PRKAR1A: variants seen among roughly 807,000 people sequenced by gnomAD.
PRKAR1A encodes cAMP-dependent protein kinase type I-alpha regulatory subunit.
A neutral mutation model predicts 52.0 loss-of-function variants in PRKAR1A; 3 were observed. The ratio of observed to expected loss-of-function variants is 0.06; its 90% CI spans 0.03 to 0.15. The LOEUF is 0.15. Ranked by LOEUF, PRKAR1A falls within the 10% of genes least tolerant of loss-of-function variation. The probability of loss-of-function intolerance (pLI) is 1.00; values close to 1 mark genes in which losing one functional copy is unlikely to be tolerated. For synonymous variants in PRKAR1A, 188 were observed against 168.4 expected (o/e 1.12, Z -0.90); for missense variants, 240 against 477.4 (o/e 0.50, Z 4.63).
chr17:68,439,853 C>A, the PRKAR1A span, among the ~76,000 whole-genome samples: 3 of 152,154 alleles, frequency 2.0e-5, no homozygotes, highest in African/African-American at 7.2e-5. Context: ...AGATGCCAAG[C>A]CTTCGTTTCT....
At chr17:68,444,331 A>C in the PRKAR1A span, among the ~76,000 whole-genome samples, 2 of 152,240 alleles carry the variant, frequency 1.3e-5, no homozygotes, top group Non-Finnish European at 1.5e-5. Context: ...GCCTGACATA[A>C]TTTGAATCTG....
the PRKAR1A span, among the ~76,000 whole-genome samples, chr17:68,470,504 T>G: frequency 1.3e-5 from 2 of 152,378 alleles, no homozygotes; most frequent in African/African-American, 4.8e-5. Flanking sequence ...GGAATATTTT[T>G]CTTTGTCTTT....
At chr17:68,519,672 A>G (rs1289245910) in intron 2 of PRKAR1A, among the ~76,000 whole-genome samples, 3 of 151,886 alleles carry the variant, frequency 2.0e-5, no homozygotes, top group Admixed American at 2.0e-4. Context: ...CTCCATAAGA[A>G]ATGTACCAAA....
At chr17:68,491,023 C>T in the PRKAR1A span, among the ~76,000 whole-genome samples, 1 of 152,080 alleles carries the variant, frequency 6.6e-6, no homozygotes, top group African/African-American at 2.4e-5. Context: ...TGGCCTTGGA[C>T]CAGCCTGTAT....
chr17:68,441,649 A>G, the PRKAR1A span, among the ~76,000 whole-genome samples: 1,003 of 152,322 alleles, frequency 6.6e-3, 13 homozygotes, highest in African/African-American at 0.023. Context: ...CCTATGGGAC[A>G]GAGAGGGCTG....
the PRKAR1A span, among the ~76,000 whole-genome samples, chr17:68,439,855 T>G: frequency 6.6e-6 from 1 of 152,176 alleles, no homozygotes; most frequent in South Asian, 2.1e-4. Flanking sequence ...ATGCCAAGCC[T>G]TCGTTTCTTA....
the PRKAR1A span, among the ~76,000 whole-genome samples, chr17:68,482,398 C>T: frequency 6.6e-6 from 1 of 152,138 alleles, no homozygotes; most frequent in Non-Finnish European, 1.5e-5. Flanking sequence ...GGAGGTAAAA[C>T]TGGAATTCAA....
the PRKAR1A span, among the ~76,000 whole-genome samples, chr17:68,484,387 T>C: frequency 1.3e-5 from 2 of 152,146 alleles, no homozygotes; most frequent in Non-Finnish European, 2.9e-5. Flanking sequence ...TGTTAGTAGA[T>C]AGAAATTCAA....
the PRKAR1A span, among the ~76,000 whole-genome samples, chr17:68,470,039 G>A: frequency 2.0e-5 from 3 of 151,344 alleles, no homozygotes; most frequent in Non-Finnish European, 2.9e-5. Flanking sequence ...ACCCCTCTGT[G>A]CACTTGTGAG....
intron 11 of PRKAR1A, among the ~76,000 whole-genome samples, chr17:68,543,210 A>G (rs569931908): frequency 1.3e-5 from 2 of 152,250 alleles, no homozygotes; most frequent in Non-Finnish European, 1.5e-5. Context: ...GGAAGTGCCC[A>G]TGACGCTACA....
the PRKAR1A span, among the ~76,000 whole-genome samples, chr17:68,471,261 A>G: frequency 6.6e-6 from 1 of 152,250 alleles, no homozygotes; most frequent in Admixed American, 6.5e-5. Context: ...TGGTACTGAA[A>G]TAGAACTATC....
chr17:68,519,096 A>G (rs1381215447), intron 2 of PRKAR1A, among the ~76,000 whole-genome samples: 8 of 151,754 alleles, frequency 5.3e-5, no homozygotes, highest in Admixed American at 1.3e-4. Context: ...ACTTTCCCAC[A>G]TTTTCCTGTC....
At chr17:68,426,253 G>GGGA in the PRKAR1A span, 2 of 841,014 alleles carry the variant, frequency 2.4e-6, no homozygotes, top group South Asian at 1.3e-5. Context: ...GGGGAGCGGG[G>GGGA]GCTCAAATAA....
chr17:68,547,377 T>C (rs886560568), intron 11 of PRKAR1A, among the ~76,000 whole-genome samples: 1 of 152,242 alleles, frequency 6.6e-6, no homozygotes, highest in Non-Finnish European at 1.5e-5. Flanking sequence ...AAGTCAGGCA[T>C]TGACTTTTCT....
At chr17:68,416,712 C>A in the PRKAR1A span, among the ~76,000 whole-genome samples, 1 of 152,134 alleles carries the variant, frequency 6.6e-6, no homozygotes, top group African/African-American at 2.4e-5. Context: ...AGTCAAAGAC[C>A]TTGTCTTCGA....
the PRKAR1A span, among the ~76,000 whole-genome samples, chr17:68,466,225 G>A: frequency 1.2e-4 from 18 of 152,212 alleles, no homozygotes; most frequent in African/African-American, 3.9e-4. Flanking sequence ...TGCCTCGCAC[G>A]TGCGGGGACC....
At chr17:68,469,788 G>T in the PRKAR1A span, among the ~76,000 whole-genome samples, 3 of 152,012 alleles carry the variant, frequency 2.0e-5, no homozygotes, top group Non-Finnish European at 4.4e-5. Flanking sequence ...TAGTGAAATA[G>T]AAATTAAAAC....
intron 11 of PRKAR1A, among the ~76,000 whole-genome samples, chr17:68,549,251 T>C (rs1000180879): frequency 6.6e-6 from 1 of 152,094 alleles, no homozygotes; most frequent in Admixed American, 6.5e-5. Flanking sequence ...TCCCAGCACA[T>C]TGGGAGGCCA....
chr17:68,536,964 A>G, downstream of PRKAR1A: 1 of 454,352 alleles, frequency 2.2e-6, no homozygotes, highest in South Asian at 1.6e-5. Context: ...GAATATGAGT[A>G]GAAAGTGTGA....
Sources: gnomAD v4.1 joint callset for allele counts (sites outside exome capture counted in the v4.1 genomes callset) on GRCh38, gnomAD v4.1.1 for gene constraint, MANE v1.5 for transcripts, NCBI Gene and HGNC (gene_info 2026-07-23, HGNC 2026-07-21) for gene names.